The following DOCK8 variants were observed in gnomAD, a reference collection of about 807,000 sequenced individuals.
DOCK8 encodes the protein dedicator of cytokinesis protein 8.
DOCK8 carries 141 observed loss-of-function variants against 245.6 expected under a neutral mutation model. The observed-to-expected ratio is 0.57, with a 90% CI of 0.50 to 0.66. The LOEUF (loss-of-function observed/expected upper bound fraction) is 0.66. Ranked by LOEUF, DOCK8 falls within the 30% of genes least tolerant of loss-of-function variation. DOCK8 has a pLI of 0.00. For synonymous variants in DOCK8, 1,168 were observed against 970.2 expected (o/e 1.20, Z -3.79); for missense variants, 2,965 against 2,603.4 (o/e 1.14, Z -3.02).
chr9:250,585 C>T (rs938785600), intron 1 of DOCK8, among the ~76,000 whole-genome samples: 6 of 152,266 alleles, frequency 3.9e-5, no homozygotes, highest in East Asian at 1.9e-4. Context: ...TTTGCTTACC[C>T]GGAACCTTCC....
chr9:443,396 C>A, intron 42 of DOCK8, 31 bp from the exon 43 acceptor site: 1 of 1,593,992 alleles, frequency 6.3e-7, no homozygotes, highest in Non-Finnish European at 8.6e-7. Flanking sequence ...GTTAAAATAA[C>A]CTTTATAAAC....
chr9:373,087 A>T (rs149331851), intron 18 of DOCK8, among the ~76,000 whole-genome samples: 1 of 152,072 alleles, frequency 6.6e-6, no homozygotes, highest in Non-Finnish European at 1.5e-5. Context: ...GAATCGCTTT[A>T]ACCTGGGAAG....
chr9:372,244 C>G lies in DOCK8; in HGVS notation c.2067C>G (p.Ala689=). The change falls in exon 18 of 48, where the codon GCC becomes GCG. Residue 689 remains alanine, a synonymous_variant. Transcript: ENST00000432829. ...LQTGSYCLPV[A]LEKLPPNYSM... ...CTGGATCCTACTGTCTCCCAGTTGCCTTGGAAAAATTGCCACCCAACTACT... is the reference window on the plus strand; with the variant it reads ...CTGGATCCTACTGTCTCCCAGTTGCGTTGGAAAAATTGCCACCCAACTACT... The G allele has an allele frequency of 1.2e-6, 2 of 1,614,128 alleles. No homozygotes were observed. Among genetic ancestry groups the G allele is most frequent in the Non-Finnish European group, 1.7e-6 (2 of 1,180,028 alleles).
At chr9:453,766 C>T (rs535289736) in intron 46 of DOCK8, among the ~76,000 whole-genome samples, 18 of 151,998 alleles carry the variant, frequency 1.2e-4, no homozygotes, top group African/African-American at 3.6e-4. Flanking sequence ...CTCACTATGC[C>T]GTCTAGGCTG....
chr9:250,444 C>G (rs1407588817), intron 1 of DOCK8, among the ~76,000 whole-genome samples: 1 of 152,188 alleles, frequency 6.6e-6, no homozygotes, highest in Non-Finnish European at 1.5e-5. Flanking sequence ...AATAACCTAT[C>G]TACTCTACAT....
chr9:339,004 A>G lies in DOCK8; in HGVS notation c.1423-2A>G. The G allele has an allele frequency of 6.2e-7, 1 of 1,613,988 alleles. No individual in the cohort carries two copies. The highest frequency in any genetic ancestry group is 1.1e-5 in the South Asian group (1 of 91,090). Reference sequence around the variant, plus strand: ...CATTAACTCTGACTTTTCTCTTGGCAGGAAGGAGATCGCCTTAGCGATGAA... The same window carrying G: ...CATTAACTCTGACTTTTCTCTTGGCGGGAAGGAGATCGCCTTAGCGATGAA... On this transcript the variant is annotated splice_acceptor_variant, in intron 12 of 47. Transcript: ENST00000432829. LOFTEE classifies it high-confidence loss of function.
intron 1 of DOCK8, among the ~76,000 whole-genome samples, chr9:247,695 G>A (rs545155569): frequency 1.2e-4 from 19 of 152,004 alleles, no homozygotes; most frequent in Admixed American, 8.5e-4. Context: ...CACCACGCCC[G>A]GCTAATTTTT....
At chr9:308,326 C>A (rs74736145) in intron 5 of DOCK8, among the ~76,000 whole-genome samples, 1 of 152,138 alleles carries the variant, frequency 6.6e-6, no homozygotes, top group African/African-American at 2.4e-5. Flanking sequence ...TAAATAGGTA[C>A]AACTATTATG....
intron 26 of DOCK8, among the ~76,000 whole-genome samples, chr9:400,334 C>G (rs1384042727): frequency 1.8e-4 from 10 of 54,826 alleles, no homozygotes; most frequent in Middle Eastern, 8.9e-3. Flanking sequence ...ACCACCACCA[C>G]CTCCTCCACC....
At position 311,961 on chromosome 9, in the gene DOCK8, C is replaced by A; in HGVS notation, c.536C>A (p.Pro179His). 1 of 1,613,900 alleles carries A rather than the reference C, an allele frequency of 6.2e-7. No individual in the cohort carries two copies. Among genetic ancestry groups the A allele is most frequent in the Non-Finnish European group, 8.5e-7 (1 of 1,180,034 alleles). ...ECSEPAAQAG[P>H]RHLNVLCDVS... ...CACTGTTTTCTCTCACAGGCAGGCC[C>A]CCGCCACTTAAACGTGCTGTGCGAC... Residue 179 changes from proline (P) to histidine (H), a missense_variant, in exon 6 of 48, where the codon CCC (proline) becomes CAC (histidine). Pro to His is a moderately conservative substitution (Grantham distance 77). Around this residue, in one of 3 missense-constraint regions of DOCK8, gnomAD observed 2,825 missense variants for 2,453.5 expected, o/e 1.15. Coordinates refer to ENST00000432829, the MANE Select transcript of DOCK8 (RefSeq NM_203447.4).
chr9:355,852 T>C (rs1425556858), intron 14 of DOCK8, among the ~76,000 whole-genome samples: 1 of 152,194 alleles, frequency 6.6e-6, no homozygotes, highest in African/African-American at 2.4e-5. Flanking sequence ...TTATCAAATG[T>C]ACAGAGTACT....
At chr9:342,791 T>C (rs114955521) in intron 14 of DOCK8, among the ~76,000 whole-genome samples, 2,792 of 152,292 alleles carry the variant, frequency 0.018, 84 homozygotes, top group African/African-American at 0.064. Context: ...AACTGCTGTT[T>C]AGTATTCCTT....
At chr9:342,085 T>C (rs1356063008) in intron 14 of DOCK8, among the ~76,000 whole-genome samples, 25 of 152,144 alleles carry the variant, frequency 1.6e-4, no homozygotes, top group Admixed American at 1.6e-3. Flanking sequence ...TATATTGCAA[T>C]GTAATAATAA....
intron 5 of DOCK8, among the ~76,000 whole-genome samples, chr9:306,383 A>T (rs567117289): frequency 6.6e-6 from 1 of 152,336 alleles, no homozygotes; most frequent in South Asian, 2.1e-4. Context: ...GGAATTTTTC[A>T]TCAGTAATTT....
intron 14 of DOCK8, among the ~76,000 whole-genome samples, chr9:345,071 C>G (rs576698730): frequency 7.9e-5 from 12 of 152,262 alleles, no homozygotes; most frequent in Admixed American, 7.8e-4. Context: ...AAGGTATTAT[C>G]TTGGCAGGGA....
chr9:283,871 T>A (rs2048700405), intron 2 of DOCK8, among the ~76,000 whole-genome samples: 1 of 152,226 alleles, frequency 6.6e-6, no homozygotes, highest in East Asian at 1.9e-4. Flanking sequence ...CGTGGATGTC[T>A]CATTTTGTAT....
chr9:289,427 G>A (rs2048948689), intron 3 of DOCK8, 83 bp from the exon 4 acceptor site: 8 of 1,080,662 alleles, frequency 7.4e-6, no homozygotes, highest in Non-Finnish European at 1.1e-5. Flanking sequence ...TTAAATTCGT[G>A]TCATGTTCCT....
At chr9:420,878 T>C in intron 31 of DOCK8, 71 bp from the exon 32 acceptor site, 1 of 1,593,490 alleles carries the variant, frequency 6.3e-7, no homozygotes, top group Admixed American at 1.7e-5. Flanking sequence ...TGGAGTGTAC[T>C]GTTTTGGTAA....
intron 6 of DOCK8, among the ~76,000 whole-genome samples, chr9:316,650 C>T (rs1465678655): frequency 6.6e-6 from 1 of 152,180 alleles, no homozygotes; most frequent in East Asian, 1.9e-4. Context: ...CACATACTTA[C>T]TAGTAAAGCC....
Sources: allele counts gnomAD v4.1 joint callset (sites outside exome capture counted in the v4.1 genomes callset), GRCh38; gene constraint gnomAD v4.1.1; regional missense constraint gnomAD v4.1.1; transcripts MANE v1.5; gene names NCBI Gene and HGNC (gene_info 2026-07-23, HGNC 2026-07-21).